The following TENM2 variants were observed in gnomAD, a reference collection of about 807,000 sequenced individuals.
TENM2 encodes the protein teneurin transmembrane protein 2.
A neutral mutation model predicts 245.2 loss-of-function variants in TENM2; 52 were observed. The observed-to-expected ratio is 0.21, with a 90% CI of 0.17 to 0.27. The LOEUF (loss-of-function observed/expected upper bound fraction) is 0.27. TENM2 is among the 10% of genes least tolerant of loss of function. TENM2 has a pLI of 1.00. For missense variants in TENM2, 3,046 were observed against 3,666.8 expected, an observed-to-expected ratio of 0.83 and a Z score of 4.37; for synonymous variants, 1,363 against 1,438.9, an observed-to-expected ratio of 0.95 and a Z score of 1.19.
In TENM2 at chr5:168,244,776, CT is replaced by C. The variant is rs139210116; in HGVS notation, c.5817+71del. 0.15 allele frequency: 146,944 copies of C among 992,956 alleles called. 3,352 individuals are homozygous for C. The highest frequency in any genetic ancestry group is 0.18 in the African/African-American group (10,712 of 60,112). The allele number at this position is 992,956 out of a possible 1,614,324, so 61.5% of individuals were successfully genotyped here. A position where few individuals can be genotyped will look rare whatever the true frequency, so the allele number is the denominator to read the frequency against. On this transcript the variant is annotated intron_variant, in intron 26 of 28. Transcript: ENST00000518659. The surrounding 1 kb of genome is among the most constrained non-coding windows in gnomAD (Gnocchi z 4.9). ...TCTGTTATTTCTGTTATTCCGGCTTCTTTTTTTTTTTGAGACAGAGACTTGC... is the reference window on the plus strand; with the variant it reads ...TCTGTTATTTCTGTTATTCCGGCTTCTTTTTTTTTTGAGACAGAGACTTGC...
At chr5:167,489,518 C>A (rs1220582503) in intron 2 of TENM2, among the ~76,000 whole-genome samples, 1 of 152,142 alleles carries the variant, frequency 6.6e-6, no homozygotes, top group Non-Finnish European at 1.5e-5. Flanking sequence ...TTTACAATGG[C>A]AACACTGCCC....
At chr5:167,605,419 A>G (rs1357464768) in intron 2 of TENM2, among the ~76,000 whole-genome samples, 2 of 152,228 alleles carry the variant, frequency 1.3e-5, no homozygotes, top group African/African-American at 4.8e-5. Context: ...CAGACACATC[A>G]GATGAAATAT....
chr5:167,536,291 A>T (rs1771837566), intron 2 of TENM2, among the ~76,000 whole-genome samples: 2 of 152,214 alleles, frequency 1.3e-5, no homozygotes, highest in East Asian at 3.9e-4. Context: ...AACTCTAAAA[A>T]AAAAGACCCA....
At chr5:167,800,428 T>TC (rs771340373) in intron 2 of TENM2, among the ~76,000 whole-genome samples, 3 of 152,344 alleles carry the variant, frequency 2.0e-5, no homozygotes, top group Non-Finnish European at 4.4e-5. Context: ...TCATTTCTAA[T>TC]CACGCATTAT....
At chr5:167,133,874 T>A in the TENM2 span, among the ~76,000 whole-genome samples, 1 of 152,132 alleles carries the variant, frequency 6.6e-6, no homozygotes, top group African/African-American at 2.4e-5. Context: ...TAACTAATTT[T>A]CATAGGGCCA....
chr5:167,936,009 C>T (rs1416361311), intron 3 of TENM2, among the ~76,000 whole-genome samples: 1 of 152,130 alleles, frequency 6.6e-6, no homozygotes, highest in African/African-American at 2.4e-5. Flanking sequence ...TCTTTTACCA[C>T]TTTGCACTTT....
intron 2 of TENM2, among the ~76,000 whole-genome samples, chr5:167,488,313 G>A (rs1312721293): frequency 6.6e-6 from 1 of 152,090 alleles, no homozygotes; most frequent in East Asian, 1.9e-4. Flanking sequence ...TACATTCACT[G>A]TCTCTTGAAA....
At chr5:167,949,083 G>A (rs988363758) in intron 3 of TENM2, among the ~76,000 whole-genome samples, 5 of 152,192 alleles carry the variant, frequency 3.3e-5, no homozygotes, top group Non-Finnish European at 5.9e-5. Context: ...CTAGAGGTAC[G>A]TTACTGATAC....
intron 2 of TENM2, among the ~76,000 whole-genome samples, chr5:167,541,819 A>T (rs930590714): frequency 6.6e-6 from 1 of 152,224 alleles, no homozygotes; most frequent in African/African-American, 2.4e-5. Context: ...TACATGACAG[A>T]TACATAAGGC....
At chr5:168,183,382 CA>C (rs113892292) in intron 13 of TENM2, among the ~76,000 whole-genome samples, 27,606 of 145,474 alleles carry the variant, frequency 0.19, 2,698 homozygotes, top group South Asian at 0.24. Flanking sequence ...GGGCCCAGCA[CA>C]AAAAAAAAAA....
rs754345348 is a variant in TENM2 at position 168,262,541 on chromosome 5, G to T, written c.8056G>T (p.Asp2686Tyr). ...CAGCATCCGCTATGGCCTCACCCCC[G>T]ACACCCTGGACGAAGAGAAGGCCCG... Residue 2686 changes from aspartate to tyrosine, a missense_variant, in exon 29 of 29, where the codon GAC (aspartate) becomes TAC (tyrosine). Transcript: ENST00000518659. The T allele has an allele frequency of 1.1e-5, 17 of 1,557,086 alleles. No homozygotes were observed. Among genetic ancestry groups the T allele is most frequent in the Admixed American group, 1.9e-5 (1 of 51,316 alleles).
chr5:167,400,834 T>C (rs780487173), intron 2 of TENM2, among the ~76,000 whole-genome samples: 27 of 152,054 alleles, frequency 1.8e-4, no homozygotes, highest in Non-Finnish European at 3.4e-4. Context: ...CACAAAATAT[T>C]TAATTAGGAT....
chr5:167,227,344 G>C, the TENM2 span, among the ~76,000 whole-genome samples: 1 of 151,894 alleles, frequency 6.6e-6, no homozygotes, highest in East Asian at 1.9e-4. Context: ...TGTGTGTTTG[G>C]TTTATCAGTA....
At chr5:168,158,868 CAT>C (rs1340701280) in intron 12 of TENM2, among the ~76,000 whole-genome samples, 2,206 of 113,772 alleles carry the variant, frequency 0.019, 92 homozygotes, top group African/African-American at 0.062. Context: ...CACACACACA[CAT>C]ATATATGTAT....
At chr5:167,748,852 G>A (rs1008675564) in intron 2 of TENM2, among the ~76,000 whole-genome samples, 4 of 151,948 alleles carry the variant, frequency 2.6e-5, no homozygotes, top group East Asian at 1.9e-4. Flanking sequence ...ACCTCCCACC[G>A]GATCCATCCC....
rs570027948 is a variant in TENM2, at chr5:167,899,460, G to A, written c.712+23265G>A. Among the ~76,000 whole-genome samples the A allele has an allele frequency of 6.6e-5, 10 of 152,314 alleles. No individual in the cohort carries two copies. In the South Asian group the frequency reaches 1.0e-3, roughly 16 times the overall value. ...AATTGGTGTTCACAATGGATTTATC[G>A]TGTGCCACGCTCCTGGCCAAGTGCC... On this transcript the variant is annotated intron_variant, in intron 3 of 28. Coordinates refer to ENST00000518659, the Ensembl canonical transcript of TENM2.
At chr5:167,174,511 A>G in the TENM2 span, among the ~76,000 whole-genome samples, 1 of 152,148 alleles carries the variant, frequency 6.6e-6, no homozygotes, top group African/African-American at 2.4e-5. Context: ...TTTGTACCCA[A>G]TGTAAGTAGT....
intron 2 of TENM2, among the ~76,000 whole-genome samples, chr5:167,824,511 C>A (rs1767800574): frequency 6.6e-6 from 1 of 152,058 alleles, no homozygotes; most frequent in Admixed American, 6.6e-5. Flanking sequence ...CTCCTGGAAG[C>A]CAAGGGGCAG....
At chr5:168,080,503 G>A (rs1328174200) in intron 7 of TENM2, among the ~76,000 whole-genome samples, 2 of 152,120 alleles carry the variant, frequency 1.3e-5, no homozygotes, top group African/African-American at 4.8e-5. Context: ...TGCTTCTCTA[G>A]TTCTTTTAAT....
Sources: gnomAD v4.1 joint callset for allele counts (sites outside exome capture counted in the v4.1 genomes callset) on GRCh38, gnomAD v4.1.1 for gene constraint, Gnocchi (gnomAD v3.1) non-coding constraint, MANE v1.5 for transcripts, NCBI Gene and HGNC (gene_info 2026-07-23, HGNC 2026-07-21) for gene names.